The following ARID4B variants were observed in gnomAD, a reference collection of about 807,000 sequenced individuals.
The protein encoded by ARID4B is AT-rich interactive domain-containing protein 4B.
In ARID4B, 26 loss-of-function variants were observed where a neutral mutation model predicts 147.5. The observed-to-expected ratio is 0.18, with a 90% CI of 0.13 to 0.24. ARID4B has a LOEUF of 0.24. ARID4B is among the 10% of genes least tolerant of loss of function. The pLI, the probability that ARID4B is intolerant of heterozygous loss-of-function variation, is 1.00. For synonymous variants in ARID4B, 512 were observed against 507.9 expected (o/e 1.01, Z -0.11); for missense variants, 1,179 against 1,511.5 (o/e 0.78, Z 3.65).
chr1:235,254,598 T>C (rs1156269049), intron 5 of ARID4B, among the ~76,000 whole-genome samples: 1 of 151,680 alleles, frequency 6.6e-6, no homozygotes. Flanking sequence ...ATACAAAAAC[T>C]GACTACATGA....
At chr1:235,310,707 A>T (rs1176727499) in intron 2 of ARID4B, among the ~76,000 whole-genome samples, 1 of 152,158 alleles carries the variant, frequency 6.6e-6, no homozygotes, top group Non-Finnish European at 1.5e-5. Context: ...TTGCTCTGTC[A>T]CCTAGGCTGG....
chr1:235,262,393 T>G (rs544167741), intron 2 of ARID4B, among the ~76,000 whole-genome samples: 1 of 152,246 alleles, frequency 6.6e-6, no homozygotes, highest in East Asian at 1.9e-4. Flanking sequence ...CTTAGGAAAA[T>G]GCCTATTCAT....
At position 235,179,262 on chromosome 1, in the gene ARID4B, G is replaced by A. The variant is rs1004904082; in HGVS notation, c.3335-1349C>T. Among the ~76,000 whole-genome samples the A allele has an allele frequency of 3.3e-5, 5 of 152,004 alleles. No homozygotes were observed. In the South Asian group the frequency reaches 6.2e-4, roughly 19 times the overall value. On this transcript the variant is annotated intron_variant, in intron 20 of 23. Transcript: ENST00000264183. Reference sequence around the variant, plus strand: ...TAAGAACCTATTTCTGGCTGGGCGCGGTGGCTCATGCCTGTAATTCCAGCA... The same window carrying A: ...TAAGAACCTATTTCTGGCTGGGCGCAGTGGCTCATGCCTGTAATTCCAGCA...
At chr1:235,323,619 T>C (rs1228554623) in intron 2 of ARID4B, among the ~76,000 whole-genome samples, 3 of 151,918 alleles carry the variant, frequency 2.0e-5, no homozygotes, top group Non-Finnish European at 4.4e-5. Flanking sequence ...ACCTTGTCTC[T>C]ACTAAAAGCA....
intron 22 of ARID4B, 72 bp downstream of exon 22, chr1:235,175,112 C>T (rs1663767073): frequency 7.0e-7 from 1 of 1,422,470 alleles, no homozygotes; most frequent in East Asian, 2.3e-5. Flanking sequence ...TCTCTAAAAA[C>T]AAAAACAAAA....
chr1:235,259,810 T>A (rs552219374), intron 3 of ARID4B, among the ~76,000 whole-genome samples: 9 of 152,214 alleles, frequency 5.9e-5, no homozygotes, highest in Admixed American at 4.6e-4. Flanking sequence ...ACTGATACCC[T>A]CCACAGAAGC....
chr1:235,278,624 T>A (rs1236481118), intron 2 of ARID4B, among the ~76,000 whole-genome samples: 1 of 152,196 alleles, frequency 6.6e-6, no homozygotes, highest in Non-Finnish European at 1.5e-5. Context: ...TTACTTATCT[T>A]AAAAACAGAT....
In ARID4B at chr1:235,182,105, T is replaced by C; in HGVS notation, c.2814A>G (p.Lys938=). The C allele has an allele frequency of 1.9e-6, 3 of 1,614,188 alleles. No individual in the cohort carries two copies. Among genetic ancestry groups the C allele is most frequent in the Non-Finnish European group, 2.5e-6 (3 of 1,180,032 alleles). ...AGTCTGAAAAAAGCTCTTTCAGCGT[T>C]TTTTTAGGCCACTGTCCCTGAATAC... ...WSSIQGQWPK[K]TLKELFSDSD... Residue 938 remains lysine (K), a synonymous_variant, in exon 20 of 24, where the codon AAA becomes AAG. Coordinates refer to ENST00000264183, the MANE Select transcript of ARID4B (RefSeq NM_016374.6).
At chr1:235,245,947 C>T (rs942400052) in intron 7 of ARID4B, among the ~76,000 whole-genome samples, 10 of 152,134 alleles carry the variant, frequency 6.6e-5, no homozygotes, top group African/African-American at 2.4e-4. Flanking sequence ...ACAGTTCATA[C>T]TATGCCAGAG....
intron 2 of ARID4B, among the ~76,000 whole-genome samples, chr1:235,326,042 C>G (rs897039333): frequency 6.6e-6 from 1 of 152,056 alleles, no homozygotes. Context: ...CTACCCTTTT[C>G]AAGCACTTCT....
intron 1 of ARID4B, chr1:235,327,427 C>T (rs1314850092): frequency 1.3e-5 from 2 of 152,224 alleles, no homozygotes; most frequent in African/African-American, 2.4e-5. Context: ...GAGCCCCTGC[C>T]CACGTCCCGT....
chr1:235,262,806 A>T (rs10802572), intron 2 of ARID4B, among the ~76,000 whole-genome samples: 70,421 of 151,600 alleles, frequency 0.46, 16,632 homozygotes, highest in South Asian at 0.6. Flanking sequence ...ATCTCAATTA[A>T]TTAAAAAAAA....
chr1:235,219,528 C>G (rs913710248), intron 16 of ARID4B, among the ~76,000 whole-genome samples: 1 of 152,046 alleles, frequency 6.6e-6, no homozygotes, highest in African/African-American at 2.4e-5. Context: ...TTCAGCAGAC[C>G]TAAAAAGTAC....
At chr1:235,203,003 C>T (rs1358244682) in intron 17 of ARID4B, among the ~76,000 whole-genome samples, 2 of 152,106 alleles carry the variant, frequency 1.3e-5, no homozygotes, top group African/African-American at 4.8e-5. Flanking sequence ...CCCTTGCCTG[C>T]GAGGAGCTTA....
rs1355583887 is a variant in ARID4B, at chr1:235,234,021, G to A, written c.665+392C>T. Among the ~76,000 whole-genome samples the A allele has an allele frequency of 4.6e-5, 7 of 152,218 alleles. No homozygotes were observed. The South Asian group carries it at 6.2e-4, about 14-fold the overall frequency. ...TTGAACCCAGGAGGCAGAGGTTGCA[G>A]TGAGCCGAAACTGCACCACTGCACT... On this transcript the variant is annotated intron_variant, in intron 9 of 23. Transcript: ENST00000264183.
intron 21 of ARID4B, 95 bp from the exon 22 acceptor site, chr1:235,175,494 G>C (rs1455850833): frequency 1.9e-6 from 2 of 1,031,936 alleles, no homozygotes; most frequent in Non-Finnish European, 2.8e-6. Context: ...TTTGAATTTA[G>C]TCCTACAGAA....
intron 2 of ARID4B, among the ~76,000 whole-genome samples, chr1:235,266,193 C>T (rs1233754679): frequency 6.6e-6 from 1 of 152,096 alleles, no homozygotes; most frequent in Non-Finnish European, 1.5e-5. Flanking sequence ...ACCAAGATTG[C>T]ACCAGTATTT....
intron 2 of ARID4B, among the ~76,000 whole-genome samples, chr1:235,291,506 G>T (rs1672337084): frequency 6.6e-6 from 1 of 151,334 alleles, no homozygotes; most frequent in African/African-American, 2.4e-5. Context: ...TAATTTTTTT[G>T]GTGTGCAAGT....
At chr1:235,282,443 C>A (rs570808352) in intron 2 of ARID4B, among the ~76,000 whole-genome samples, 2 of 152,076 alleles carry the variant, frequency 1.3e-5, no homozygotes, top group Admixed American at 6.5e-5. Context: ...TTAGTGAATG[C>A]GAAAATTAGT....
Sources: gnomAD v4.1 joint callset for allele counts (sites outside exome capture counted in the v4.1 genomes callset) on GRCh38, gnomAD v4.1.1 for gene constraint, MANE v1.5 for transcripts, NCBI Gene and HGNC (gene_info 2026-07-23, HGNC 2026-07-21) for gene names.